The following SDK1 variants were observed in gnomAD, a reference collection of about 807,000 sequenced individuals.
SDK1 encodes sidekick cell adhesion molecule 1.
In SDK1, 157 loss-of-function variants were observed where a neutral mutation model predicts 245.5. The ratio of observed to expected loss-of-function variants is 0.64; its 90% confidence interval spans 0.56 to 0.73. SDK1 has a LOEUF of 0.73. Among genes scored for constraint, SDK1 ranks in the 30% least tolerant of loss-of-function variants. The pLI is 0.00. For missense variants in SDK1, 3,583 were observed against 3,002.3 expected, an observed-to-expected ratio of 1.19 and a Z score of -4.52; for synonymous variants, 1,647 against 1,278.5, an observed-to-expected ratio of 1.29 and a Z score of -6.15.
intron 5 of SDK1, among the ~76,000 whole-genome samples, chr7:3,853,754 G>A (rs1374345133): frequency 6.6e-6 from 1 of 152,080 alleles, no homozygotes; most frequent in African/African-American, 2.4e-5. Flanking sequence ...ACTCTGGGAG[G>A]CTGAGGTGGG....
At chr7:3,927,115 T>C (rs1012672425) in intron 5 of SDK1, among the ~76,000 whole-genome samples, 1 of 152,106 alleles carries the variant, frequency 6.6e-6, no homozygotes, top group African/African-American at 2.4e-5. Context: ...CCAGTGTAGA[T>C]TTCATAGTTT....
At chr7:3,794,203 AC>A (rs1778906638) in intron 4 of SDK1, among the ~76,000 whole-genome samples, 2 of 152,034 alleles carry the variant, frequency 1.3e-5, no homozygotes, top group African/African-American at 4.8e-5. Context: ...TACCCAGCTG[AC>A]CCCTTGAAGG....
At chr7:3,463,343 C>G (rs1583894198) in intron 1 of SDK1, among the ~76,000 whole-genome samples, 1 of 151,534 alleles carries the variant, frequency 6.6e-6, no homozygotes, top group Non-Finnish European at 1.5e-5. Flanking sequence ...TTAGGACTCA[C>G]ATATTCATGA....
intron 4 of SDK1, among the ~76,000 whole-genome samples, chr7:3,664,489 A>G (rs563863703): frequency 6.6e-6 from 1 of 152,352 alleles, no homozygotes; most frequent in South Asian, 2.1e-4. Flanking sequence ...CTGTAAACCC[A>G]GCACTTTGGG....
chr7:3,918,817 G>T (rs895155145), intron 5 of SDK1, among the ~76,000 whole-genome samples: 1 of 152,016 alleles, frequency 6.6e-6, no homozygotes, highest in African/African-American at 2.4e-5. Context: ...TCCTGTCTTA[G>T]TTGGCCCCAT....
intron 4 of SDK1, among the ~76,000 whole-genome samples, chr7:3,651,330 T>A (rs1391752719): frequency 6.6e-6 from 1 of 152,160 alleles, no homozygotes; most frequent in Non-Finnish European, 1.5e-5. Context: ...CTCTAATGGC[T>A]AATGATGTTG....
At chr7:3,770,956 G>C (rs529916728) in intron 4 of SDK1, among the ~76,000 whole-genome samples, 1 of 152,288 alleles carries the variant, frequency 6.6e-6, no homozygotes, top group South Asian at 2.1e-4. Context: ...CAGTTTTCCT[G>C]CTTATTCACA....
rs376397554 is a variant in SDK1, at chr7:3,520,195, A to G, written c.299-98885A>G. ...ATGTATATGCTGCCTGTCTTTTGGA[A>G]TAGTGATTTGTAAGTGACATGGTTT... On this transcript the variant is annotated intron_variant, in intron 1 of 44. Transcript: ENST00000404826. 1.3e-4 allele frequency among the ~76,000 whole-genome samples: 20 copies of G among 152,254 alleles called. No homozygotes were observed. In the East Asian group the frequency reaches 3.7e-3, roughly 28 times the overall value.
At chr7:4,112,579 C>T (rs1449887679) in intron 23 of SDK1, among the ~76,000 whole-genome samples, 2 of 152,158 alleles carry the variant, frequency 1.3e-5, no homozygotes, top group Non-Finnish European at 2.9e-5. Context: ...GCTACTTGCA[C>T]TTTAACCCCT....
chr7:4,197,786 C>T (rs938833265), intron 35 of SDK1, among the ~76,000 whole-genome samples: 1 of 152,212 alleles, frequency 6.6e-6, no homozygotes, highest in African/African-American at 2.4e-5. Context: ...GGCGCAGGCG[C>T]TCCTGACCTT....
At chr7:3,870,808 A>G (rs944895147) in intron 5 of SDK1, among the ~76,000 whole-genome samples, 11 of 152,310 alleles carry the variant, frequency 7.2e-5, no homozygotes, top group Admixed American at 2.6e-4. Context: ...CTGTTGCAGT[A>G]TCCACTCCAA....
At chr7:3,796,903 A>G (rs1309161812) in intron 4 of SDK1, among the ~76,000 whole-genome samples, 1 of 152,208 alleles carries the variant, frequency 6.6e-6, no homozygotes, top group Non-Finnish European at 1.5e-5. Flanking sequence ...GTAAGTTCAA[A>G]TGTAGCAATT....
chr7:3,688,682 A>AGTAT (rs1169588169), intron 4 of SDK1, among the ~76,000 whole-genome samples: 1 of 152,216 alleles, frequency 6.6e-6, no homozygotes, highest in Non-Finnish European at 1.5e-5. Context: ...TGGAGTAGAT[A>AGTAT]GTATGTAAAG....
At chr7:4,104,977 TTTTA>T (rs1256283656) in intron 22 of SDK1, among the ~76,000 whole-genome samples, 2 of 151,908 alleles carry the variant, frequency 1.3e-5, no homozygotes, top group Non-Finnish European at 2.9e-5. Context: ...GGAGCTGTGT[TTTTA>T]TTTATTTATT....
intron 5 of SDK1, among the ~76,000 whole-genome samples, chr7:3,887,577 A>G (rs1781366002): frequency 6.6e-6 from 1 of 152,222 alleles, no homozygotes; most frequent in Admixed American, 6.5e-5. Context: ...GCCCACAGCC[A>G]AGGTTGCTAT....
At chr7:3,933,678 C>G (rs964910300) in intron 5 of SDK1, among the ~76,000 whole-genome samples, 1 of 152,100 alleles carries the variant, frequency 6.6e-6, no homozygotes, top group African/African-American at 2.4e-5. Flanking sequence ...TTGTATAAAC[C>G]TTTGCATTTA....
intron 1 of SDK1, among the ~76,000 whole-genome samples, chr7:3,567,755 G>A (rs1306205480): frequency 6.6e-6 from 1 of 152,042 alleles, no homozygotes; most frequent in Non-Finnish European, 1.5e-5. Flanking sequence ...GCCTTTGATG[G>A]CTGCATAACA....
chr7:3,556,679 A>T (rs1429072304), intron 1 of SDK1, among the ~76,000 whole-genome samples: 1 of 152,084 alleles, frequency 6.6e-6, no homozygotes, highest in East Asian at 1.9e-4. Flanking sequence ...AAATTAAGCC[A>T]GGTGTGGTGG....
chr7:3,606,905 C>G (rs538693869), intron 1 of SDK1, among the ~76,000 whole-genome samples: 24 of 151,894 alleles, frequency 1.6e-4, no homozygotes, highest in African/African-American at 4.8e-4. Context: ...AAGTTATGTA[C>G]AACACTGAAA....
Sources: allele counts gnomAD v4.1 joint callset (sites outside exome capture counted in the v4.1 genomes callset), GRCh38; gene constraint gnomAD v4.1.1; transcripts MANE v1.5; gene names NCBI Gene and HGNC (gene_info 2026-07-23, HGNC 2026-07-21).